The following SLC38A4 variants were observed in gnomAD, a reference collection of about 807,000 sequenced individuals.
The protein encoded by SLC38A4 is solute carrier family 38 member 4.
SLC38A4 carries 20 observed loss-of-function variants against 63.1 expected under a neutral mutation model. The ratio of observed to expected loss-of-function variants is 0.32; its 90% CI spans 0.22 to 0.46. The LOEUF (loss-of-function observed/expected upper bound fraction) is 0.46, where lower values mean the gene tolerates loss of function less well. Ranked by LOEUF, SLC38A4 falls within the 20% of genes least tolerant of loss-of-function variation. The pLI, the probability that SLC38A4 is intolerant of heterozygous loss-of-function variation, is 1.00. For synonymous variants in SLC38A4, 230 were observed against 225.5 expected, an observed-to-expected ratio of 1.02 and a Z score of -0.18; for missense variants, 526 against 663.6, an observed-to-expected ratio of 0.79 and a Z score of 2.28.
intron 1 of SLC38A4, among the ~76,000 whole-genome samples, chr12:46,819,080 A>G (rs1939493297): frequency 6.6e-6 from 1 of 151,864 alleles, no homozygotes; most frequent in Non-Finnish European, 1.5e-5. Flanking sequence ...AGAATTTTGG[A>G]GTTTGAGAAT....
At chr12:46,783,045 T>TGC (rs1366869491) in intron 7 of SLC38A4, among the ~76,000 whole-genome samples, 3 of 131,310 alleles carry the variant, frequency 2.3e-5, no homozygotes. Flanking sequence ...TGTGTGTGTG[T>TGC]GTGTGTGTGT....
intron 7 of SLC38A4, among the ~76,000 whole-genome samples, chr12:46,780,610 T>A (rs1758133847): frequency 6.6e-6 from 1 of 151,842 alleles, no homozygotes; most frequent in South Asian, 2.1e-4. Context: ...GAAGTTTTTT[T>A]TTTTCCCCCC....
At chr12:46,821,270 T>A (rs1425020734) in intron 1 of SLC38A4, among the ~76,000 whole-genome samples, 1 of 152,098 alleles carries the variant, frequency 6.6e-6, no homozygotes, top group African/African-American at 2.4e-5. Flanking sequence ...CTATGTTTTA[T>A]CCTAGGAGTT....
intron 14 of SLC38A4, among the ~76,000 whole-genome samples, chr12:46,769,656 C>T (rs756939771): frequency 9.2e-5 from 14 of 151,980 alleles, no homozygotes; most frequent in Non-Finnish European, 1.5e-4. Flanking sequence ...ATAGTCATTT[C>T]GGTCAACAAC....
intron 5 of SLC38A4, among the ~76,000 whole-genome samples, chr12:46,785,738 C>CCTTTTTTTTTTTTTTTTTTTTTTT (rs1489385010): frequency 1.5e-5 from 1 of 66,896 alleles, no homozygotes; most frequent in Non-Finnish European, 2.9e-5. Flanking sequence ...ACGAAAATTC[C>CCTTTTTTTTTTTTTTTTTTTTTTT]TTTTTTTTTT....
intron 1 of SLC38A4, among the ~76,000 whole-genome samples, chr12:46,810,806 T>A (rs1187356303): frequency 6.6e-6 from 1 of 152,052 alleles, no homozygotes; most frequent in Non-Finnish European, 1.5e-5. Flanking sequence ...CAACAATTGT[T>A]AGTCAAATCC....
At chr12:46,774,951 G>T in intron 14 of SLC38A4, 98 bp downstream of exon 14, 1 of 1,391,934 alleles carries the variant, frequency 7.2e-7, no homozygotes, top group Non-Finnish European at 9.7e-7. Context: ...CATTGCAATT[G>T]CAAACTCACC....
chr12:46,779,508 A>G, intron 10 of SLC38A4, 103 bp downstream of exon 10: 1 of 868,144 alleles, frequency 1.2e-6, no homozygotes, highest in Admixed American at 2.5e-5. Context: ...TACAAGAACT[A>G]TTTCATATTA....
At chr12:46,791,510 G>A (rs1255066510) in intron 3 of SLC38A4, among the ~76,000 whole-genome samples, 2 of 152,126 alleles carry the variant, frequency 1.3e-5, no homozygotes, top group African/African-American at 4.8e-5. Flanking sequence ...GGATTTTCCT[G>A]GGTGTTGTAA....
intron 1 of SLC38A4, among the ~76,000 whole-genome samples, chr12:46,820,904 T>G (rs560257306): frequency 6.6e-6 from 1 of 152,242 alleles, no homozygotes; most frequent in South Asian, 2.1e-4. Flanking sequence ...ATTGTGATTT[T>G]AATTTGCATG....
Position 46,785,182 on chromosome 12 carries a change from A to AT in SLC38A4, c.327-6_327-5insA. 1 of 1,610,130 alleles carries AT rather than the reference A, an allele frequency of 6.2e-7. No individual in the cohort carries two copies. Among genetic ancestry groups the AT allele is most frequent in the East Asian group, 2.2e-5 (1 of 44,770 alleles). On this transcript the variant is annotated splice_region_variant and splice_polypyrimidine_tract_variant and intron_variant, in intron 5 of 16. Coordinates refer to ENST00000266579, the MANE Select transcript of SLC38A4 (RefSeq NM_018018.5). ...GCCACAGCAAGCAGCATGATTCTGC[A>AT]AAGGGAAGAGAGAGTAGGTAATAAA...
chr12:46,789,950 C>T (rs776975898), intron 3 of SLC38A4, among the ~76,000 whole-genome samples: 7 of 151,960 alleles, frequency 4.6e-5, no homozygotes, highest in Non-Finnish European at 8.8e-5. Context: ...TGGTGGCAGG[C>T]GCCTGTAATC....
intron 14 of SLC38A4, 58 bp downstream of exon 14, chr12:46,774,991 A>G: frequency 6.3e-7 from 1 of 1,582,428 alleles, no homozygotes; most frequent in Non-Finnish European, 8.6e-7. Context: ...AAGGTAGAAC[A>G]CATGTACTAA....
intron 1 of SLC38A4, among the ~76,000 whole-genome samples, chr12:46,814,098 A>G (rs1256726937): frequency 6.6e-6 from 1 of 152,074 alleles, no homozygotes; most frequent in Non-Finnish European, 1.5e-5. Context: ...GATATACAGC[A>G]TTATAAACAT....
chr12:46,785,304 G>T, intron 5 of SLC38A4, 127 bp from the exon 6 acceptor site: 2 of 714,116 alleles, frequency 2.8e-6, no homozygotes, highest in Non-Finnish European at 4.7e-6. Context: ...ATGTGGATTT[G>T]GGGGAGGCTG....
upstream of SLC38A4, among the ~76,000 whole-genome samples, chr12:46,827,332 T>C (rs1251221604): frequency 6.6e-6 from 1 of 152,216 alleles, no homozygotes; most frequent in East Asian, 1.9e-4. Context: ...GTAGAAGTAA[T>C]TGAATTCCCT....
intron 14 of SLC38A4, 119 bp from the exon 15 acceptor site, chr12:46,769,547 G>T: frequency 1.8e-6 from 2 of 1,128,674 alleles, no homozygotes; most frequent in Non-Finnish European, 2.5e-6. Flanking sequence ...CAGAAAAGAT[G>T]TTGATGCTTT....
chr12:46,766,729 T>A lies in SLC38A4; in HGVS notation c.1616A>T (p.Tyr539Phe). 6.2e-7 allele frequency: 1 copy of A among 1,611,700 alleles called. No individual in the cohort carries two copies. The highest frequency in any genetic ancestry group is 8.5e-7 in the Non-Finnish European group (1 of 1,178,486). ...SMALIIIDWI[Y>F]DPPNSKHH ...GTGATGCTTGGAATTTGGAGGATCATAAATCCAGTCAATTATAATGAGTGC... is the reference window on the plus strand; with the variant it reads ...GTGATGCTTGGAATTTGGAGGATCAAAAATCCAGTCAATTATAATGAGTGC... Residue 539 changes from tyrosine to phenylalanine, a missense_variant, in exon 17 of 17, where the codon TAT becomes TTT. Tyr to Phe is a conservative substitution (Grantham distance 22, BLOSUM62 3). Coordinates refer to ENST00000266579, the MANE Select transcript of SLC38A4 (RefSeq NM_018018.5).
intron 14 of SLC38A4, among the ~76,000 whole-genome samples, chr12:46,772,078 T>C (rs1206419252): frequency 6.7e-6 from 1 of 148,494 alleles, no homozygotes. Context: ...GGGCCCAATG[T>C]GAAGGTCAAA....
Sources: gnomAD v4.1 joint callset for allele counts (sites outside exome capture counted in the v4.1 genomes callset) on GRCh38, gnomAD v4.1.1 for gene constraint, MANE v1.5 for transcripts, NCBI Gene and HGNC (gene_info 2026-07-23, HGNC 2026-07-21) for gene names.